Variants in EIF2S2 observed in about 807,000 individuals in gnomAD.
EIF2S2 encodes the protein eukaryotic translation initiation factor 2 subunit beta.
A neutral mutation model predicts 44.0 loss-of-function variants in EIF2S2; 4 were observed. The ratio of observed to expected loss-of-function variants is 0.09; its 90% CI spans 0.04 to 0.21. The LOEUF (loss-of-function observed/expected upper bound fraction) is 0.21. Ranked by LOEUF, EIF2S2 falls within the 10% of genes least tolerant of loss-of-function variation. The pLI is 1.00. For synonymous variants in EIF2S2, 108 were observed against 128.3 expected, an observed-to-expected ratio of 0.84 and a Z score of 1.07; for missense variants, 154 against 392.0, an observed-to-expected ratio of 0.39 and a Z score of 5.13.
rs1381393730 is a variant in EIF2S2, at chr20:34,111,993, T to TGGC, written c.15+100_15+102dup. 13 of 1,248,322 alleles carry TGGC rather than the reference T, an allele frequency of 1.0e-5. No homozygotes were observed. In the African/African-American group the frequency reaches 1.4e-4, roughly 13 times the overall value. The allele number at this position is 1,248,322 out of a possible 1,614,324, so 77.3% of individuals were successfully genotyped here. On this transcript the variant is annotated intron_variant, in intron 1 of 8. Transcript: ENST00000374980. ...GCCGCCTAGGCGCGGCTGCCTCACA[T>TGGC]GGCGGCGGCCGGCTGCTAGGCCGCA...
At chr20:34,105,886 A>AAGG (rs1234865956) in intron 1 of EIF2S2, among the ~76,000 whole-genome samples, 1 of 152,136 alleles carries the variant, frequency 6.6e-6, no homozygotes, top group East Asian at 1.9e-4. Flanking sequence ...CACTTTACAG[A>AAGG]TATAGGAAAA....
intron 7 of EIF2S2, among the ~76,000 whole-genome samples, 182 bp from the exon 8 acceptor site, chr20:34,090,784 T>C (rs2034153514): frequency 6.6e-6 from 1 of 152,214 alleles, no homozygotes; most frequent in African/African-American, 2.4e-5. Context: ...TCTCACACTC[T>C]GTCGCCCAGA....
At chr20:34,098,949 ACT>A (rs1466342320) in intron 3 of EIF2S2, among the ~76,000 whole-genome samples, 3 of 152,160 alleles carry the variant, frequency 2.0e-5, no homozygotes, top group African/African-American at 4.8e-5. Context: ...GCTCACAGAG[ACT>A]CTGCCATTTG....
At chr20:34,091,829 C>T (rs1294436933) in intron 7 of EIF2S2, among the ~76,000 whole-genome samples, 1 of 142,942 alleles carries the variant, frequency 7.0e-6, no homozygotes, top group Non-Finnish European at 1.5e-5. Context: ...GAAAGAATAG[C>T]TCTGTCTTGC....
chr20:34,103,550 A>C lies in EIF2S2; in HGVS notation c.209T>G (p.Leu70Arg), dbSNP rs1173995137. The C allele has an allele frequency of 6.4e-7, 1 of 1,570,614 alleles. No individual in the cohort carries two copies. The highest frequency in any genetic ancestry group is 1.4e-5 in the African/African-American group (1 of 73,252). ...TTGATTAAAGAAGTTCAAGTCATCTAGATCATCAGAAGCATCTAAAAAGAC... is the reference window on the plus strand; with the variant it reads ...TTGATTAAAGAAGTTCAAGTCATCTCGATCATCAGAAGCATCTAAAAAGAC... The part of the protein sequence containing the change: ...DTRKKDASDD[L>R]DDLNFFNQKK... The change falls in exon 3 of 9, where the codon CTA becomes CGA. Residue 70 changes from leucine to arginine, a missense_variant. Physicochemically the swap from Leu to Arg is moderately radical, Grantham distance 102 (BLOSUM62 -2). Around this residue, in one of 2 missense-constraint regions of EIF2S2, gnomAD observed 134 missense variants for 225.0 expected, o/e 0.60. Coordinates refer to ENST00000374980, the MANE Select transcript of EIF2S2 (RefSeq NM_003908.5).
chr20:34,098,162 CT>C (rs2034252917), intron 4 of EIF2S2, among the ~76,000 whole-genome samples: 1 of 151,596 alleles, frequency 6.6e-6, no homozygotes, highest in African/African-American at 2.4e-5. Context: ...GGGAGAATCG[CT>C]TGAACCCGGT....
rs201521464 is a variant in EIF2S2, at chr20:34,105,429, C to T, written c.132G>A (p.Val44=). The T allele has an allele frequency of 1.2e-6, 2 of 1,614,082 alleles. No homozygotes were observed. Among genetic ancestry groups the T allele is most frequent in the Non-Finnish European group, 1.7e-6 (2 of 1,179,954 alleles). The change falls in exon 2 of 9, where the codon GTG becomes GTA. Residue 44 remains valine (V), a synonymous_variant. Transcript: ENST00000374980. ...EETQPSETKE[V]EPEPTEDKDL... is the part of the protein sequence containing the mutation. ...CCTTGTCCTCAGTTGGCTCTGGCTC[C>T]ACTTCTTTTGTTTCTGAAGGCTGGG...
At chr20:34,104,512 T>C (rs1601537946) in intron 2 of EIF2S2, among the ~76,000 whole-genome samples, 1 of 152,340 alleles carries the variant, frequency 6.6e-6, no homozygotes, top group East Asian at 1.9e-4. Flanking sequence ...ACCTAAATTC[T>C]ACTGTCTAGC....
intron 1 of EIF2S2, among the ~76,000 whole-genome samples, chr20:34,107,075 G>A (rs1277540542): frequency 6.6e-6 from 1 of 152,074 alleles, no homozygotes; most frequent in Non-Finnish European, 1.5e-5. Context: ...CTACTCGGGA[G>A]GCTGAGGCAG....
At chr20:34,089,991 C>T in intron 8 of EIF2S2, 86 bp from the exon 9 acceptor site, 1 of 1,433,018 alleles carries the variant, frequency 7.0e-7, no homozygotes, top group Non-Finnish European at 9.7e-7. Flanking sequence ...CTACAAAGAA[C>T]TCCACAAGCC....
intron 1 of EIF2S2, among the ~76,000 whole-genome samples, chr20:34,106,541 C>T (rs981335602): frequency 2.0e-5 from 3 of 151,886 alleles, no homozygotes; most frequent in Non-Finnish European, 4.4e-5. Context: ...ACACCATCCT[C>T]CCACCTCAAT....
chr20:34,098,448 G>A, intron 4 of EIF2S2, 50 bp downstream of exon 4: 2 of 1,603,520 alleles, frequency 1.2e-6, no homozygotes, highest in African/African-American at 1.3e-5. Flanking sequence ...GGAGACCAGG[G>A]CCAAAGGCTT....
intron 5 of EIF2S2, 138 bp from the exon 6 acceptor site, chr20:34,096,943 T>A (rs905399093): frequency 2.8e-5 from 27 of 951,002 alleles, no homozygotes; most frequent in Non-Finnish European, 4.3e-5. Flanking sequence ...GTCTGGGAGC[T>A]CCTTGAGGGC....
intron 4 of EIF2S2, among the ~76,000 whole-genome samples, chr20:34,097,886 T>C (rs1396118681): frequency 1.3e-5 from 2 of 152,220 alleles, no homozygotes; most frequent in Non-Finnish European, 2.9e-5. Context: ...ACAAAAGTTC[T>C]CTAAAGACCC....
intron 6 of EIF2S2, among the ~76,000 whole-genome samples, chr20:34,095,668 T>C (rs1223064215): frequency 6.6e-6 from 1 of 152,210 alleles, no homozygotes; most frequent in Non-Finnish European, 1.5e-5. Flanking sequence ...CTTTAGCATG[T>C]CTTTATCTTC....
intron 7 of EIF2S2, among the ~76,000 whole-genome samples, chr20:34,091,591 G>C (rs1015172307): frequency 1.3e-5 from 2 of 151,740 alleles, no homozygotes; most frequent in African/African-American, 4.8e-5. Flanking sequence ...GGTGGTGGGC[G>C]CCTATAGTCC....
At chr20:34,101,847 G>T (rs2034299452) in intron 3 of EIF2S2, among the ~76,000 whole-genome samples, 1 of 151,896 alleles carries the variant, frequency 6.6e-6, no homozygotes, top group Admixed American at 6.6e-5. Flanking sequence ...GCTAATTTTT[G>T]TATTTTTAGT....
At chr20:34,090,645 C>T (rs1038122579) in intron 7 of EIF2S2, 43 bp from the exon 8 acceptor site, 2 of 1,176,804 alleles carry the variant, frequency 1.7e-6, no homozygotes, top group African/African-American at 3.1e-5. Flanking sequence ...ATTGTTTTTT[C>T]CTAAAGGAAC....
chr20:34,097,798 C>T (rs1311352720), intron 4 of EIF2S2, among the ~76,000 whole-genome samples: 3 of 152,108 alleles, frequency 2.0e-5, no homozygotes, highest in Non-Finnish European at 4.4e-5. Context: ...TAAAATAATG[C>T]ATTGGAATAA....
Sources: allele counts gnomAD v4.1 joint callset (sites outside exome capture counted in the v4.1 genomes callset), GRCh38; gene constraint gnomAD v4.1.1; regional missense constraint gnomAD v4.1.1; transcripts MANE v1.5; gene names NCBI Gene and HGNC (gene_info 2026-07-23, HGNC 2026-07-21).